MGAT4C: variants seen among roughly 807,000 people sequenced by gnomAD.
MGAT4C encodes the protein alpha-1,3-mannosyl-glycoprotein 4-beta-N-acetylglucosaminyltransferase C.
Under a neutral mutation model 40.1 loss-of-function variants are expected in MGAT4C, and 19 were observed. The ratio of observed to expected loss-of-function variants is 0.47; its 90% CI spans 0.33 to 0.70. The LOEUF is 0.70. Among genes scored for constraint, MGAT4C ranks in the 30% least tolerant of loss-of-function variants. The probability of loss-of-function intolerance (pLI) is 0.02; values close to 1 mark genes in which losing one functional copy is unlikely to be tolerated. For missense variants in MGAT4C, 491 were observed against 563.2 expected, an observed-to-expected ratio of 0.87 and a Z score of 1.30; for synonymous variants, 181 against 187.1, an observed-to-expected ratio of 0.97 and a Z score of 0.27.
intron 1 of MGAT4C, among the ~76,000 whole-genome samples, chr12:86,120,923 C>T (rs985799352): frequency 2.0e-5 from 3 of 152,050 alleles, no homozygotes; most frequent in Admixed American, 6.6e-5. Flanking sequence ...AGGCTTTAGA[C>T]GATCAGTAGT....
intron 2 of MGAT4C, among the ~76,000 whole-genome samples, chr12:86,446,497 TAAA>T (rs1044112835): frequency 3.8e-4 from 57 of 151,302 alleles, no homozygotes; most frequent in African/African-American, 1.3e-3. Context: ...ATGAATGTCT[TAAA>T]GAAAAAAAAG....
chr12:86,437,930 C>T (rs1190909267), intron 2 of MGAT4C, among the ~76,000 whole-genome samples: 1 of 151,766 alleles, frequency 6.6e-6, no homozygotes, highest in Admixed American at 6.6e-5. Context: ...CCCTGAGACA[C>T]AAAAATATTG....
intron 1 of MGAT4C, among the ~76,000 whole-genome samples, chr12:86,800,311 TAA>T (rs990928265): frequency 1.3e-5 from 2 of 151,946 alleles, no homozygotes; most frequent in African/African-American, 4.8e-5. Flanking sequence ...CTGATGTCTT[TAA>T]TCACAAAAGT....
At chr12:86,192,398 A>G (rs1013191875) in intron 1 of MGAT4C, among the ~76,000 whole-genome samples, 2 of 152,160 alleles carry the variant, frequency 1.3e-5, no homozygotes, top group Admixed American at 6.6e-5. Context: ...TTCTGCAGTC[A>G]TCTTTAGCAA....
chr12:86,490,767 TC>T (rs2136322669), intron 2 of MGAT4C, among the ~76,000 whole-genome samples: 1 of 152,216 alleles, frequency 6.6e-6, no homozygotes, highest in African/African-American at 2.4e-5. Context: ...GCAATCCTAG[TC>T]TCTGATAAAA....
chr12:86,749,995 G>C (rs1163455268), intron 1 of MGAT4C, among the ~76,000 whole-genome samples: 2 of 148,566 alleles, frequency 1.3e-5, no homozygotes, highest in Non-Finnish European at 2.9e-5. Flanking sequence ...AGCATAGTAG[G>C]AATCAATGTA....
Position 86,045,918 on chromosome 12 carries a change from C to A in MGAT4C, c.-7+3756G>T, listed in dbSNP as rs138446405. Among the ~76,000 whole-genome samples the A allele has an allele frequency of 7.1e-3, 1,083 of 152,132 alleles. 14 individuals carry two copies. Among genetic ancestry groups the A allele is most frequent in the African/African-American group, 0.024 (1,008 of 41,488 alleles). ...AATATTGTCATCAGTATCAATTTAT[C>A]GTGTATTTTATTAGTGTGATCCTGT... On this transcript the variant is annotated intron_variant, in intron 2 of 4. Transcript: ENST00000611864.
intron 2 of MGAT4C, among the ~76,000 whole-genome samples, chr12:85,999,963 C>T (rs1887119730): frequency 6.6e-6 from 1 of 152,010 alleles, no homozygotes. Flanking sequence ...GTGACTACAG[C>T]TAATAACAAA....
chr12:86,788,099 A>G (rs1951963062), intron 1 of MGAT4C, among the ~76,000 whole-genome samples: 1 of 151,488 alleles, frequency 6.6e-6, no homozygotes, highest in Non-Finnish European at 1.5e-5. Flanking sequence ...GTATTTACTT[A>G]TATATATATT....
chr12:86,205,035 C>A (rs1024138778), intron 1 of MGAT4C, among the ~76,000 whole-genome samples: 1 of 151,828 alleles, frequency 6.6e-6, no homozygotes, highest in Admixed American at 6.6e-5. Flanking sequence ...GATCCTTGTA[C>A]ATATTATCAG....
intron 4 of MGAT4C, among the ~76,000 whole-genome samples, chr12:86,261,479 T>G (rs926512187): frequency 6.6e-6 from 1 of 152,124 alleles, no homozygotes; most frequent in Non-Finnish European, 1.5e-5. Context: ...GTCAAATATT[T>G]CTGTTCCTCA....
intron 3 of MGAT4C, among the ~76,000 whole-genome samples, chr12:86,411,021 C>T (rs1298842282): frequency 2.3e-5 from 1 of 43,204 alleles, no homozygotes; most frequent in East Asian, 3.7e-3. Context: ...TTTCCTGAGG[C>T]TTCCCCAGCC....
intron 3 of MGAT4C, among the ~76,000 whole-genome samples, chr12:86,372,348 T>C (rs1036052681): frequency 3.3e-5 from 5 of 151,840 alleles, no homozygotes; most frequent in African/African-American, 1.2e-4. Flanking sequence ...CCCTGGAGTA[T>C]CTTAATTCTA....
intron 2 of MGAT4C, among the ~76,000 whole-genome samples, chr12:86,482,557 A>G (rs892131950): frequency 3.3e-5 from 5 of 152,194 alleles, no homozygotes; most frequent in Non-Finnish European, 7.4e-5. Flanking sequence ...TTCTAAATGT[A>G]TATGTTGTTG....
chr12:86,055,807 T>C (rs1425096634), intron 1 of MGAT4C, among the ~76,000 whole-genome samples: 1 of 152,068 alleles, frequency 6.6e-6, no homozygotes, highest in Non-Finnish European at 1.5e-5. Flanking sequence ...TTTCATTTGA[T>C]CTTTACTTAT....
chr12:86,611,064 A>G (rs1962241032), intron 2 of MGAT4C, among the ~76,000 whole-genome samples: 3 of 151,422 alleles, frequency 2.0e-5, no homozygotes, highest in Admixed American at 2.0e-4. Context: ...CTCGGTGTGA[A>G]CATAGATCCT....
chr12:86,236,993 T>C (rs1951581518), intron 1 of MGAT4C, among the ~76,000 whole-genome samples: 1 of 150,520 alleles, frequency 6.6e-6, no homozygotes, highest in Admixed American at 6.7e-5. Context: ...ATATGATATA[T>C]AAATATATGT....
chr12:86,317,716 G>T (rs1954277896), intron 4 of MGAT4C, among the ~76,000 whole-genome samples: 1 of 151,356 alleles, frequency 6.6e-6, no homozygotes, highest in Non-Finnish European at 1.5e-5. Context: ...AAATATAGAA[G>T]GTTTTCTAAT....
intron 2 of MGAT4C, among the ~76,000 whole-genome samples, chr12:85,990,581 C>T (rs567998721): frequency 6.6e-6 from 1 of 151,970 alleles, no homozygotes; most frequent in Non-Finnish European, 1.5e-5. Flanking sequence ...AATCTTATCT[C>T]TTCAATGAAT....
Sources: gnomAD v4.1 joint callset for allele counts (sites outside exome capture counted in the v4.1 genomes callset) on GRCh38, gnomAD v4.1.1 for gene constraint, MANE v1.5 for transcripts, NCBI Gene and HGNC (gene_info 2026-07-23, HGNC 2026-07-21) for gene names.